Variants in ELMO1 observed in about 807,000 individuals in gnomAD.
ELMO1 encodes engulfment and cell motility 1, also known as engulfment and cell motility protein 1.
A neutral mutation model predicts 98.9 loss-of-function variants in ELMO1; 26 were observed. The ratio of observed to expected loss-of-function variants is 0.26; its 90% confidence interval spans 0.19 to 0.36. The LOEUF is 0.36. Among genes scored for constraint, ELMO1 ranks in the 10% least tolerant of loss-of-function variants. The probability of loss-of-function intolerance (pLI) is 1.00; values close to 1 mark genes in which losing one functional copy is unlikely to be tolerated. For missense variants in ELMO1, 627 were observed against 935.2 expected, an observed-to-expected ratio of 0.67 and a Z score of 4.30; for synonymous variants, 346 against 346.0, an observed-to-expected ratio of 1.00 and a Z score of 0.00.
Position 37,233,136 on chromosome 7 carries a change from T to C in ELMO1, c.508A>G (p.Ile170Val), listed in dbSNP as rs754382932. ...TAFVELMDHG[I>V]VSWDTFSVAF... ...ACCGAAAATGTATCCCAGGACACTA[T>C]GCCATGGTCCATCAGCTCAACGAAG... Residue 170 changes from isoleucine to valine, a missense_variant, in exon 8 of 22, where the codon ATA (isoleucine) becomes GTA (valine). Physicochemically the swap from Ile to Val is conservative, Grantham distance 29 (BLOSUM62 3). Around this residue, in one of 3 missense-constraint regions of ELMO1, gnomAD observed 492 missense variants for 715.6 expected, o/e 0.69. Coordinates refer to ENST00000310758, the MANE Select transcript of ELMO1 (RefSeq NM_014800.11). 10 of 1,613,510 alleles carry C rather than the reference T, an allele frequency of 6.2e-6. No homozygotes were observed. The highest frequency in any genetic ancestry group is 8.5e-6 in the Non-Finnish European group (10 of 1,179,764).
intron 16 of ELMO1, among the ~76,000 whole-genome samples, chr7:36,908,087 C>T (rs77656136): frequency 6.6e-6 from 1 of 152,168 alleles, no homozygotes; most frequent in Admixed American, 6.5e-5. Context: ...TTTGACCCAA[C>T]AGCTAAACAG....
chr7:36,985,988 C>A, intron 16 of ELMO1: 1 of 1,002,886 alleles, frequency 1.0e-6, no homozygotes, highest in Non-Finnish European at 1.2e-6. Context: ...CACCACAAAG[C>A]GACTTAGAGT....
chr7:36,923,506 T>C (rs1056264801), intron 16 of ELMO1, among the ~76,000 whole-genome samples: 1 of 152,182 alleles, frequency 6.6e-6, no homozygotes, highest in South Asian at 2.1e-4. Flanking sequence ...GTATGTGGGC[T>C]TAAGATTATC....
chr7:37,204,474 G>A (rs192821884), intron 13 of ELMO1, among the ~76,000 whole-genome samples: 370 of 152,244 alleles, frequency 2.4e-3, no homozygotes, highest in South Asian at 8.5e-3. Flanking sequence ...AGACCTTCGC[G>A]GTGAGTGTTA....
chr7:37,226,187 T>C (rs1584837124), intron 8 of ELMO1, among the ~76,000 whole-genome samples: 1 of 152,242 alleles, frequency 6.6e-6, no homozygotes, highest in Admixed American at 6.5e-5. Context: ...GGGTGGGAAA[T>C]AATGTGAAGA....
intron 14 of ELMO1, among the ~76,000 whole-genome samples, chr7:37,112,768 T>G (rs1021130599): frequency 1.3e-5 from 2 of 152,178 alleles, no homozygotes; most frequent in South Asian, 2.1e-4. Flanking sequence ...AAAATTAAGG[T>G]CAATGAAAAA....
At chr7:37,316,720 A>G (rs1363477077) in intron 2 of ELMO1, among the ~76,000 whole-genome samples, 1 of 152,194 alleles carries the variant, frequency 6.6e-6, no homozygotes, top group African/African-American at 2.4e-5. Context: ...TAGGATGGGG[A>G]GTATCATGTC....
At chr7:37,103,135 G>A (rs1476614867) in intron 14 of ELMO1, among the ~76,000 whole-genome samples, 17 of 152,174 alleles carry the variant, frequency 1.1e-4, no homozygotes, top group Admixed American at 1.1e-3. Flanking sequence ...AACACTTGAT[G>A]GAGACAACTG....
intron 13 of ELMO1, among the ~76,000 whole-genome samples, chr7:37,208,335 G>T (rs1792755393): frequency 6.6e-6 from 1 of 152,220 alleles, no homozygotes; most frequent in Admixed American, 6.5e-5. Flanking sequence ...TCAAAAGGAG[G>T]AAAGCTAAAA....
chr7:37,253,144 T>G (rs1161126369), intron 6 of ELMO1, among the ~76,000 whole-genome samples: 1 of 152,182 alleles, frequency 6.6e-6, no homozygotes, highest in African/African-American at 2.4e-5. Context: ...GTAAATTAAT[T>G]CAACCATTGT....
chr7:37,433,940 C>T (rs1805036509), intron 1 of ELMO1, among the ~76,000 whole-genome samples: 1 of 152,148 alleles, frequency 6.6e-6, no homozygotes, highest in South Asian at 2.1e-4. Flanking sequence ...CCCCGAACCT[C>T]ATCTGGGACT....
intron 15 of ELMO1, among the ~76,000 whole-genome samples, chr7:37,059,279 C>T (rs959024092): frequency 6.6e-6 from 1 of 152,130 alleles, no homozygotes; most frequent in Admixed American, 6.5e-5. Context: ...AAGTCACAGC[C>T]CTTTGCAGTG....
At chr7:37,245,337 G>GA (rs767518390) in intron 6 of ELMO1, among the ~76,000 whole-genome samples, 87 of 152,234 alleles carry the variant, frequency 5.7e-4, no homozygotes, top group South Asian at 1.2e-3. Flanking sequence ...TGACAATAGC[G>GA]TAATGTGAGG....
chr7:37,043,294 T>G (rs940394476), intron 15 of ELMO1, among the ~76,000 whole-genome samples: 1 of 152,262 alleles, frequency 6.6e-6, no homozygotes, highest in Non-Finnish European at 1.5e-5. Flanking sequence ...CTGTGTTAAC[T>G]GAGTCCAGCA....
chr7:37,033,519 A>G, intron 15 of ELMO1: 1 of 403,808 alleles, frequency 2.5e-6, no homozygotes, highest in Non-Finnish European at 4.9e-6. Context: ...CACCAAACAG[A>G]CACTGGATTA....
intron 15 of ELMO1, among the ~76,000 whole-genome samples, chr7:37,075,251 A>G (rs982339102): frequency 2.0e-5 from 3 of 148,724 alleles, no homozygotes; most frequent in African/African-American, 7.5e-5. Flanking sequence ...GGTTCATGCC[A>G]TTCTCCTGCC....
At chr7:37,386,933 T>A (rs1465449429) in intron 1 of ELMO1, among the ~76,000 whole-genome samples, 1 of 152,146 alleles carries the variant, frequency 6.6e-6, no homozygotes, top group Non-Finnish European at 1.5e-5. Context: ...TCCCAGAGAG[T>A]CTCAATTAAT....
intron 12 of ELMO1, 92 bp downstream of exon 12, chr7:37,213,243 A>T: frequency 6.7e-7 from 1 of 1,491,776 alleles, no homozygotes; most frequent in Admixed American, 2.0e-5. Flanking sequence ...TCAAACTCTG[A>T]AACTCCCTAG....
chr7:36,901,013 C>T (rs1210900719), intron 16 of ELMO1, among the ~76,000 whole-genome samples: 1 of 150,900 alleles, frequency 6.6e-6, no homozygotes. Flanking sequence ...TGGGGCTACA[C>T]TCTAAGGGTA....
Sources: gnomAD v4.1 joint callset for allele counts (sites outside exome capture counted in the v4.1 genomes callset) on GRCh38, gnomAD v4.1.1 for gene constraint, gnomAD v4.1.1 regional missense constraint, MANE v1.5 for transcripts, NCBI Gene and HGNC (gene_info 2026-07-23, HGNC 2026-07-21) for gene names.